Variants in GUCY1A1 observed in about 807,000 individuals in gnomAD.
GUCY1A1 encodes the protein guanylate cyclase 1 soluble subunit alpha 1, also known as guanylate cyclase soluble subunit alpha-1.
Under a neutral mutation model 64.5 loss-of-function variants are expected in GUCY1A1, and 48 were observed. The observed-to-expected ratio is 0.74, with a 90% CI of 0.59 to 0.95. GUCY1A1 has a LOEUF of 0.95. GUCY1A1 is among the 40% of genes least tolerant of loss of function. The probability of loss-of-function intolerance (pLI) is 0.00; values close to 1 mark genes in which losing one functional copy is unlikely to be tolerated. For synonymous variants in GUCY1A1, 308 were observed against 303.4 expected (o/e 1.02, Z -0.16); for missense variants, 804 against 825.3 (o/e 0.97, Z 0.32).
chr4:155,689,821 T>C (rs1729501251), intron 2 of GUCY1A1, among the ~76,000 whole-genome samples: 1 of 152,214 alleles, frequency 6.6e-6, no homozygotes, highest in Non-Finnish European at 1.5e-5. Context: ...ATATGATTAT[T>C]GAAAGTGAGG....
rs1178244084 is a variant in GUCY1A1 at position 155,697,127 on chromosome 4, G to T, written c.255+5G>T. On this transcript the variant is annotated splice_donor_5th_base_variant and intron_variant, in intron 3 of 9. Coordinates refer to ENST00000506455, the MANE Select transcript of GUCY1A1 (RefSeq NM_001130682.3). ...TGCAAACTGATTTTCCCAGAGGTGA[G>T]TGCGTGCTCTTTAGATTTTGAAATT... 1 of 1,605,608 alleles carries T rather than the reference G, an allele frequency of 6.2e-7. No individual in the cohort carries two copies. The highest frequency in any genetic ancestry group is 1.3e-5 in the African/African-American group (1 of 74,720).
At chr4:155,720,595 C>G (rs1260374375) in intron 8 of GUCY1A1, among the ~76,000 whole-genome samples, 1 of 152,080 alleles carries the variant, frequency 6.6e-6, no homozygotes, top group Non-Finnish European at 1.5e-5. Flanking sequence ...TGTTAGAATA[C>G]AAAGTTCCTG....
intron 3 of GUCY1A1, among the ~76,000 whole-genome samples, chr4:155,702,105 C>CA (rs1560939167): frequency 6.6e-6 from 1 of 151,992 alleles, no homozygotes; most frequent in Non-Finnish European, 1.5e-5. Context: ...GAGGGGTAAG[C>CA]AAAACCGACA....
chr4:155,671,247 T>C (rs1030194553), intron 2 of GUCY1A1, among the ~76,000 whole-genome samples: 32 of 152,298 alleles, frequency 2.1e-4, no homozygotes, highest in African/African-American at 7.7e-4. Flanking sequence ...TGTAAACTGT[T>C]ATTTATTTCA....
intron 2 of GUCY1A1, among the ~76,000 whole-genome samples, chr4:155,669,069 A>G (rs1733765464): frequency 6.6e-6 from 1 of 152,194 alleles, no homozygotes; most frequent in Admixed American, 6.5e-5. Flanking sequence ...CTGTCTACAT[A>G]CAGCCTGCAG....
chr4:155,708,578 C>T (rs1732119390), intron 5 of GUCY1A1, among the ~76,000 whole-genome samples: 1 of 152,100 alleles, frequency 6.6e-6, no homozygotes, highest in Admixed American at 6.5e-5. Context: ...CTAACTGTTC[C>T]TCATTTATAC....
intron 4 of GUCY1A1, among the ~76,000 whole-genome samples, chr4:155,704,557 G>A (rs1731492600): frequency 6.7e-6 from 1 of 149,352 alleles, no homozygotes; most frequent in African/African-American, 2.5e-5. Flanking sequence ...GGTTCCGGGG[G>A]GTAGCAGCTG....
At chr4:155,721,986 T>C in intron 8 of GUCY1A1, 52 bp from the exon 9 acceptor site, 1 of 1,202,428 alleles carries the variant, frequency 8.3e-7, no homozygotes, top group Non-Finnish European at 1.2e-6. Context: ...CACTGACGAG[T>C]AGGAAGTGTT....
At chr4:155,710,223 T>C (rs1237456571) in intron 5 of GUCY1A1, among the ~76,000 whole-genome samples, 1 of 152,210 alleles carries the variant, frequency 6.6e-6, no homozygotes, top group Non-Finnish European at 1.5e-5. Flanking sequence ...GGAGGACTTT[T>C]GCCAAAATGT....
intron 2 of GUCY1A1, among the ~76,000 whole-genome samples, chr4:155,681,871 C>T (rs1028649741): frequency 6.6e-6 from 1 of 152,110 alleles, no homozygotes; most frequent in Non-Finnish European, 1.5e-5. Context: ...GTAAATACTC[C>T]GATTTTCAAA....
intron 7 of GUCY1A1, 117 bp from the exon 8 acceptor site, chr4:155,717,042 C>A: frequency 1.4e-6 from 1 of 696,686 alleles, no homozygotes; most frequent in Non-Finnish European, 2.3e-6. Flanking sequence ...TAACCCTGAT[C>A]CTCCAGAAGG....
At chr4:155,713,064 A>T (rs1350277202) in intron 6 of GUCY1A1, 34 bp from the exon 7 acceptor site, 4 of 1,555,110 alleles carry the variant, frequency 2.6e-6, no homozygotes, top group Non-Finnish European at 3.5e-6. Flanking sequence ...GGGAAACTTG[A>T]ATAAACCACA....
At chr4:155,685,895 T>C (rs891753706) in intron 2 of GUCY1A1, among the ~76,000 whole-genome samples, 1 of 152,140 alleles carries the variant, frequency 6.6e-6, no homozygotes, top group Non-Finnish European at 1.5e-5. Flanking sequence ...TCCCCTACCA[T>C]TCGGTGAGTT....
chr4:155,727,459 G>A (rs1375035392), intron 9 of GUCY1A1, among the ~76,000 whole-genome samples: 1 of 151,716 alleles, frequency 6.6e-6, no homozygotes, highest in African/African-American at 2.4e-5. Context: ...TTCAAATGAT[G>A]CACTTTAAAG....
intron 2 of GUCY1A1, among the ~76,000 whole-genome samples, chr4:155,681,239 G>T (rs548468945): frequency 6.6e-6 from 1 of 152,180 alleles, no homozygotes; most frequent in Non-Finnish European, 1.5e-5. Context: ...GTGTTGGAGT[G>T]GGAGTCTCTT....
chr4:155,701,852 T>C (rs1731127512), intron 3 of GUCY1A1, among the ~76,000 whole-genome samples: 1 of 150,858 alleles, frequency 6.6e-6, no homozygotes, highest in African/African-American at 2.4e-5. Context: ...TTAATATATA[T>C]ATAAACAAAT....
intron 5 of GUCY1A1, 70 bp downstream of exon 5, chr4:155,708,364 A>T: frequency 2.5e-6 from 2 of 797,668 alleles, no homozygotes; most frequent in Non-Finnish European, 2.2e-6. Flanking sequence ...CTCCAAAAAT[A>T]TTCATATTTA....
At chr4:155,677,535 C>T (rs948752354) in intron 2 of GUCY1A1, among the ~76,000 whole-genome samples, 4 of 152,006 alleles carry the variant, frequency 2.6e-5, no homozygotes, top group Non-Finnish European at 5.9e-5. Context: ...CTTTTTAAGC[C>T]AAGAATCCAT....
chr4:155,667,667 G>C (rs1479427354), intron 2 of GUCY1A1: 2 of 151,810 alleles, frequency 1.3e-5, no homozygotes, highest in African/African-American at 4.8e-5. Flanking sequence ...AGCACAGACG[G>C]GGGTGGGCGC....
Sources: allele counts gnomAD v4.1 joint callset (sites outside exome capture counted in the v4.1 genomes callset), GRCh38; gene constraint gnomAD v4.1.1; transcripts MANE v1.5; gene names NCBI Gene and HGNC (gene_info 2026-07-23, HGNC 2026-07-21).